The following SLC2A1 variants were observed in gnomAD, a reference collection of about 807,000 sequenced individuals.
The protein encoded by SLC2A1 is solute carrier family 2, facilitated glucose transporter member 1.
SLC2A1 carries 4 observed loss-of-function variants against 46.6 expected under a neutral mutation model. The observed-to-expected ratio is 0.09, with a 90% CI of 0.04 to 0.20. SLC2A1 has a LOEUF of 0.20. Among genes scored for constraint, SLC2A1 ranks in the 10% least tolerant of loss-of-function variants. SLC2A1 has a pLI of 1.00. For missense variants in SLC2A1, 352 were observed against 667.0 expected (o/e 0.53, Z 5.20); for synonymous variants, 253 against 270.0 (o/e 0.94, Z 0.62).
At chr1:42,933,737 G>A (rs1418686881) in intron 2 of SLC2A1, among the ~76,000 whole-genome samples, 1 of 151,608 alleles carries the variant, frequency 6.6e-6, no homozygotes, top group Non-Finnish European at 1.5e-5. Context: ...CAGATAAATG[G>A]CGCTTGCCCT....
chr1:42,943,796 GC>G (rs1643622435), intron 1 of SLC2A1, among the ~76,000 whole-genome samples: 1 of 152,174 alleles, frequency 6.6e-6, no homozygotes, highest in Admixed American at 6.5e-5. Context: ...CAGCCCATCT[GC>G]CTGTTTGCTC....
At chr1:42,953,279 C>T (rs145853847) in intron 1 of SLC2A1, among the ~76,000 whole-genome samples, 1,820 of 152,372 alleles carry the variant, frequency 0.012, 18 homozygotes, top group Non-Finnish European at 0.019. Flanking sequence ...TGCCCAGGTT[C>T]AAGGCCTGGG....
intron 2 of SLC2A1, among the ~76,000 whole-genome samples, chr1:42,935,639 TG>T (rs1643535304): frequency 6.6e-6 from 1 of 152,244 alleles, no homozygotes; most frequent in Non-Finnish European, 1.5e-5. Flanking sequence ...ACTACGGGCC[TG>T]CCTCAGGGAA....
chr1:42,944,159 G>T (rs1643627495), intron 1 of SLC2A1, among the ~76,000 whole-genome samples: 2 of 152,140 alleles, frequency 1.3e-5, no homozygotes, highest in African/African-American at 2.4e-5. Context: ...TGGGGCTAAG[G>T]TGTTTCCAAT....
chr1:42,950,907 A>G (rs533533193), intron 1 of SLC2A1, among the ~76,000 whole-genome samples: 353 of 152,298 alleles, frequency 2.3e-3, no homozygotes, highest in Non-Finnish European at 4.2e-3. Flanking sequence ...CCCGGGAGGC[A>G]GAGGTTGCAG....
intron 1 of SLC2A1, among the ~76,000 whole-genome samples, chr1:42,944,056 C>A (rs1003423650): frequency 4.6e-5 from 7 of 152,178 alleles, no homozygotes; most frequent in Non-Finnish European, 5.9e-5. Flanking sequence ...CGGCAATAAT[C>A]CCCAAACCAT....
Position 42,926,592 on chromosome 1 carries a change from C to A in SLC2A1, c.*449G>T. 1 of 815,102 alleles carries A rather than the reference C, an allele frequency of 1.2e-6. No individual in the cohort carries two copies. The highest frequency in any genetic ancestry group is 1.7e-6 in the Non-Finnish European group (1 of 586,548). 50.5% of individuals were successfully genotyped at this position (815,102 alleles called of 1,614,324 possible). A position where few individuals can be genotyped will look rare whatever the true frequency, so the allele number is the denominator to read the frequency against. On this transcript the variant is annotated 3_prime_UTR_variant, in exon 10 of 10. Transcript: ENST00000426263. ...AGGCCAGCAGAACGGGTGGCCATAG[C>A]CACCTCCTGGGATAGAAGCTTTGTA...
rs1481497303 is a variant in SLC2A1, at chr1:42,954,882, G to A, written c.18+3752C>T. Reference sequence around the variant, plus strand: ...CCCAAGGGTGACCCAAATTCAGAAAGGTAGGCAGGAAGCCTAAGGCAAAAA... The same window carrying A: ...CCCAAGGGTGACCCAAATTCAGAAAAGTAGGCAGGAAGCCTAAGGCAAAAA... On this transcript the variant is annotated intron_variant, in intron 1 of 9. Transcript: ENST00000426263. The surrounding 1 kb of genome is among the most constrained non-coding windows in gnomAD (Gnocchi z 4.2). 1.3e-5 allele frequency among the ~76,000 whole-genome samples: 2 copies of A among 152,214 alleles called. No individual in the cohort carries two copies. The highest frequency in any genetic ancestry group is 4.8e-5 in the African/African-American group (2 of 41,450).
intron 1 of SLC2A1, among the ~76,000 whole-genome samples, chr1:42,956,433 A>C (rs924025117): frequency 2.8e-5 from 2 of 70,496 alleles, no homozygotes; most frequent in African/African-American, 7.3e-5. Flanking sequence ...AAAAAAAAAA[A>C]CATTAGCTGG....
At position 42,929,447 on chromosome 1, in the gene SLC2A1, C is replaced by A. The variant is rs1161983825; in HGVS notation, c.868-133G>T. 9.5e-7 allele frequency: 1 copy of A among 1,054,742 alleles called. No individual in the cohort carries two copies. The highest frequency in any genetic ancestry group is 1.6e-5 in the African/African-American group (1 of 63,784). The allele number at this position is 1,054,742 out of a possible 1,614,324, so 65.3% of individuals were successfully genotyped here. A position where few individuals can be genotyped will look rare whatever the true frequency, so the allele number is the denominator to read the frequency against. On this transcript the variant is annotated intron_variant, in intron 6 of 9. Transcript: ENST00000426263. This position sits in a 1 kb window ranked among gnomAD's most constrained non-coding sequence, Gnocchi z 6.0. ...ATACTCAGGCAGAAGGGACACTGCA[C>A]TGCAGTGACCTTACGGGCTTGGGGT... is the stretch of plus-strand genomic sequence containing the variant.
chr1:42,928,236 A>C (rs975013007), intron 8 of SLC2A1, among the ~76,000 whole-genome samples: 2 of 152,212 alleles, frequency 1.3e-5, no homozygotes, highest in Admixed American at 6.5e-5. Context: ...ATTCTTGAGG[A>C]GGCCAGGGTA....
chr1:42,946,733 G>A (rs972154434), intron 1 of SLC2A1, among the ~76,000 whole-genome samples: 2 of 152,166 alleles, frequency 1.3e-5, no homozygotes, highest in African/African-American at 2.4e-5. Flanking sequence ...CTCAGTGCTA[G>A]GTGTAGGGGG....
At chr1:42,945,803 G>A (rs1382413946) in intron 1 of SLC2A1, among the ~76,000 whole-genome samples, 1 of 151,934 alleles carries the variant, frequency 6.6e-6, no homozygotes, top group Non-Finnish European at 1.5e-5. Flanking sequence ...TCTAACCCCG[G>A]GGGGGCCTGG....
intron 1 of SLC2A1, among the ~76,000 whole-genome samples, chr1:42,953,514 C>T (rs1010762498): frequency 1.3e-5 from 2 of 152,202 alleles, no homozygotes; most frequent in African/African-American, 2.4e-5. Context: ...ATCATGGGGA[C>T]GTCGGTTACC....
rs750115904 is a variant in SLC2A1 at position 42,926,741 on chromosome 1, A to G, written c.*300T>C. 24 of 1,396,092 alleles carry G rather than the reference A, an allele frequency of 1.7e-5. No homozygotes were observed. Among genetic ancestry groups the G allele is most frequent in the Non-Finnish European group, 2.3e-5 (24 of 1,059,058 alleles). 86.5% of individuals were successfully genotyped at this position (1,396,092 alleles called of 1,614,324 possible). A position where few individuals can be genotyped will look rare whatever the true frequency, so the allele number is the denominator to read the frequency against. ...CTCAGGCATGGAACCATTCAGGGTG[A>G]AGCCTGGGATGTGGGCACAGGAGAC... On this transcript the variant is annotated 3_prime_UTR_variant, in exon 10 of 10. Transcript: ENST00000426263.
chr1:42,927,247 A>G lies in SLC2A1; in HGVS notation c.1279-6T>C, dbSNP rs771975654. 1.9e-6 allele frequency: 3 copies of G among 1,613,282 alleles called. No individual in the cohort carries two copies. Among genetic ancestry groups the G allele is most frequent in the South Asian group, 1.1e-5 (1 of 91,058 alleles). On this transcript the variant is annotated splice_region_variant and splice_polypyrimidine_tract_variant and intron_variant, in intron 9 of 9. Coordinates refer to ENST00000426263, the MANE Select transcript of SLC2A1 (RefSeq NM_006516.4). This position sits in a 1 kb window ranked among gnomAD's most constrained non-coding sequence, Gnocchi z 5.3. Reference sequence around the variant, plus strand: ...ACGTAGGGACCACACAGTTGCTGAAAGACACACAGACACACTTGGTTGGAG... The same window carrying G: ...ACGTAGGGACCACACAGTTGCTGAAGGACACACAGACACACTTGGTTGGAG...
intron 1 of SLC2A1, among the ~76,000 whole-genome samples, chr1:42,956,432 A>C (rs1267496298): frequency 1.4e-5 from 1 of 73,232 alleles, no homozygotes; most frequent in South Asian, 4.8e-4. Context: ...AAAAAAAAAA[A>C]ACATTAGCTG....
chr1:42,949,737 C>T (rs753753339), intron 1 of SLC2A1, among the ~76,000 whole-genome samples: 1 of 152,216 alleles, frequency 6.6e-6, no homozygotes, highest in African/African-American at 2.4e-5. Flanking sequence ...TCTGATTAAC[C>T]ACCATGAACA....
At position 42,926,802 on chromosome 1, in the gene SLC2A1, A is replaced by C. The variant is rs760209478; in HGVS notation, c.*239T>G. On this transcript the variant is annotated 3_prime_UTR_variant, in exon 10 of 10. Transcript: ENST00000426263. ...ATAAAAATAACAAAATCAGTAATAA[A>C]AAAATTATAAAACCTGTTGCTTGTC... 2.7e-6 allele frequency: 4 copies of C among 1,490,268 alleles called. No homozygotes were observed. The highest frequency in any genetic ancestry group is 3.6e-6 in the Non-Finnish European group (4 of 1,126,152). The allele number at this position is 1,490,268 out of a possible 1,614,324, so 92.3% of individuals were successfully genotyped here.
Sources: allele counts gnomAD v4.1 joint callset (sites outside exome capture counted in the v4.1 genomes callset), GRCh38; gene constraint gnomAD v4.1.1; non-coding constraint Gnocchi (gnomAD v3.1); transcripts MANE v1.5; gene names NCBI Gene and HGNC (gene_info 2026-07-23, HGNC 2026-07-21).